The following ATP13A3 variants were observed in gnomAD, a reference collection of about 807,000 sequenced individuals.
The protein encoded by ATP13A3 is polyamine-transporting ATPase 13A3.
A neutral mutation model predicts 158.1 loss-of-function variants in ATP13A3; 59 were observed. That is an observed-to-expected ratio of 0.37 (90% CI 0.30 to 0.46). The LOEUF is 0.46. Ranked by LOEUF, ATP13A3 falls within the 20% of genes least tolerant of loss-of-function variation. The probability of loss-of-function intolerance (pLI) is 1.00; values close to 1 mark genes in which losing one functional copy is unlikely to be tolerated. For missense variants in ATP13A3, 1,166 were observed against 1,525.2 expected (o/e 0.76, Z 3.92); for synonymous variants, 491 against 504.3 (o/e 0.97, Z 0.35).
chr3:194,442,653 C>T (rs530453654), intron 15 of ATP13A3, among the ~76,000 whole-genome samples: 41 of 151,960 alleles, frequency 2.7e-4, no homozygotes, highest in South Asian at 1.5e-3. Context: ...GAAAACAAAA[C>T]ACAAGGAAAA....
At chr3:194,455,827 A>G (rs2108944221) in intron 8 of ATP13A3, 66 bp downstream of exon 8, 1 of 995,306 alleles carries the variant, frequency 1.0e-6, no homozygotes, top group Admixed American at 2.7e-5. Context: ...TTTTAATCAC[A>G]ACTCATTCCA....
chr3:194,431,747 C>T lies in ATP13A3; in HGVS notation c.2391G>A (p.Gln797=). 6.2e-7 allele frequency: 1 copy of T among 1,604,504 alleles called. No homozygotes were observed. Among genetic ancestry groups the T allele is most frequent in the Non-Finnish European group, 8.5e-7 (1 of 1,176,236 alleles). ...GGTCAATTGCTGATGGATGACTGCA[C>T]TGCGTGAGGGAGTCTGCATAATGCC... is the stretch of plus-strand genomic sequence containing the variant. The part of the protein sequence containing the change: ...INWHYADSLT[Q]CSHPSAIDPE... Residue 797 remains glutamine (Q), a synonymous_variant, in exon 22 of 34, where the codon CAG becomes CAA. Transcript: ENST00000645319.
chr3:194,490,981 T>C (rs1451712471), upstream of ATP13A3, among the ~76,000 whole-genome samples: 1 of 152,134 alleles, frequency 6.6e-6, no homozygotes, highest in African/African-American at 2.4e-5. This position sits in a 1 kb window ranked among gnomAD's most constrained non-coding sequence, Gnocchi z 4.4. Context: ...CCCCATCCAC[T>C]AAACATACAT....
rs769972140 is a variant in ATP13A3, at chr3:194,448,592, C to A, written c.1015G>T (p.Val339Leu). The A allele has an allele frequency of 5.0e-6, 8 of 1,613,590 alleles. No individual in the cohort carries two copies. The highest frequency in any genetic ancestry group is 6.8e-6 in the Non-Finnish European group (8 of 1,179,868). The change falls in exon 12 of 34, where the codon GTG (valine) becomes TTG (leucine). Residue 339 changes from valine to leucine, a missense_variant. Transcript: ENST00000645319. This position sits in a 1 kb window ranked among gnomAD's most constrained non-coding sequence, Gnocchi z 4.0. ...VTKTNLPNPSVDVKGIGDELY... is the reference protein window; with the variant it reads ...VTKTNLPNPSLDVKGIGDELY... ...TCATCTCCTATTCCTTTCACATCCA[C>A]TGAAGGATTTGGCAAATTAGTCTTT...
At chr3:194,425,674 TAAGA>T (rs1716716115) in intron 29 of ATP13A3, 145 bp from the exon 30 acceptor site, 1 of 628,220 alleles carries the variant, frequency 1.6e-6, no homozygotes, top group South Asian at 2.5e-5. Flanking sequence ...AATATCAATA[TAAGA>T]TATATAAAAC....
rs762928836 is a variant in ATP13A3 at position 194,430,928 on chromosome 3, G to A, written c.2624+15C>T. ...TTCATCAAAAACCAAAACCAAAAAA[G>A]ACACCAATACTTACTCAACATTTTG... On this transcript the variant is annotated intron_variant, in intron 24 of 33. Coordinates refer to ENST00000645319, the MANE Select transcript of ATP13A3 (RefSeq NM_001367549.1). The A allele has an allele frequency of 2.3e-4, 365 of 1,560,818 alleles. No individual in the cohort carries two copies. The Middle Eastern group carries it at 5.6e-3, about 24-fold the overall frequency.
chr3:194,424,929 T>C (rs1050515248), intron 30 of ATP13A3, among the ~76,000 whole-genome samples: 1 of 152,194 alleles, frequency 6.6e-6, no homozygotes, highest in Non-Finnish European at 1.5e-5. Flanking sequence ...GTATAATACC[T>C]ACTGTTCCAA....
rs751005733 is a variant in ATP13A3 at position 194,415,661 on chromosome 3, C to CTTTTTTTTTTTTTTTTTTT, written c.3403-1841_3403-1823dup. Reference sequence around the variant, plus strand: ...GTGCAAGGATTTACAATACCACATTCTTTTTTTTTTTTTTTTTTTTTTTTT... The same window carrying CTTTTTTTTTTTTTTTTTTT: ...GTGCAAGGATTTACAATACCACATTCTTTTTTTTTTTTTTTTTTTTTTTTTTTTTTTTTTTTTTTTTTTT... On this transcript the variant is annotated intron_variant, in intron 31 of 33. Coordinates refer to ENST00000645319, the MANE Select transcript of ATP13A3 (RefSeq NM_001367549.1). Among the ~76,000 whole-genome samples, 7 of 90,928 alleles carry CTTTTTTTTTTTTTTTTTTT rather than the reference C, an allele frequency of 7.7e-5. 1 individual carries two copies. Among genetic ancestry groups the CTTTTTTTTTTTTTTTTTTT allele is most frequent in the African/African-American group, 2.4e-4 (5 of 21,120 alleles). The allele number at this position is 90,928 out of a possible 152,430, so 59.7% of individuals were successfully genotyped here. A position where few individuals can be genotyped will look rare whatever the true frequency, so the allele number is the denominator to read the frequency against.
intron 20 of ATP13A3, among the ~76,000 whole-genome samples, chr3:194,435,552 A>C (rs1426843392): frequency 6.6e-6 from 1 of 152,204 alleles, no homozygotes; most frequent in East Asian, 1.9e-4. Context: ...GGGACAGGGT[A>C]TCCTCAGCAC....
In ATP13A3 at chr3:194,494,033, G is replaced by A. The variant is rs1577103503; in HGVS notation, n.746+17C>T. ...TCCCATTTTACAGAATGGAAAAAGA[G>A]GTGTTCAATAACTCACCCGAAAGCA... is the stretch of plus-strand genomic sequence containing the variant. On this transcript the variant is annotated intron_variant and non_coding_transcript_variant, in intron 2 of 32. Coordinates refer to the ATP13A3 transcript ENST00000687055. The surrounding 1 kb of genome is among the most constrained non-coding windows in gnomAD (Gnocchi z 4.2). 3 of 397,402 alleles carry A rather than the reference G, an allele frequency of 7.5e-6. No individual in the cohort carries two copies. In the East Asian group the frequency reaches 1.1e-4, roughly 14 times the overall value. The allele number at this position is 397,402 out of a possible 1,614,324, so 24.6% of individuals were successfully genotyped here.
intron 16 of ATP13A3, among the ~76,000 whole-genome samples, chr3:194,440,830 A>C (rs567756061): frequency 2.6e-5 from 4 of 152,374 alleles, no homozygotes; most frequent in African/African-American, 9.6e-5. Flanking sequence ...AGAGAACGTA[A>C]GCAGGCACTT....
upstream of ATP13A3, among the ~76,000 whole-genome samples, chr3:194,490,464 T>C (rs1721134599): frequency 6.6e-6 from 1 of 152,228 alleles, no homozygotes; most frequent in Non-Finnish European, 1.5e-5. This position sits in a 1 kb window ranked among gnomAD's most constrained non-coding sequence, Gnocchi z 4.4. Flanking sequence ...ACATACTCTA[T>C]TTTGGAATTC....
intron 2 of ATP13A3, among the ~76,000 whole-genome samples, chr3:194,471,344 AAAAG>A (rs1720297461): frequency 1.3e-5 from 2 of 150,430 alleles, no homozygotes; most frequent in Non-Finnish European, 3.0e-5. Context: ...AAAAAAAAAA[AAAAG>A]AAAAGAAAAG....
intron 4 of ATP13A3, 51 bp downstream of exon 4, chr3:194,460,607 A>G: frequency 6.4e-7 from 1 of 1,560,374 alleles, no homozygotes; most frequent in Non-Finnish European, 8.7e-7. Context: ...ATACACAAAG[A>G]CATTGTTTTA....
In ATP13A3 at chr3:194,404,045, A is replaced by C. The variant is rs1298355794; in HGVS notation, c.*1874T>G. On this transcript the variant is annotated 3_prime_UTR_variant, in exon 34 of 34. Transcript: ENST00000645319. ...ATTATATGCTTCAGTACTTAAACCA[A>C]AGAATAAAATGCACAATTGTGGAAA... 9.1e-6 allele frequency: 4 copies of C among 438,212 alleles called. No homozygotes were observed. Among genetic ancestry groups the C allele is most frequent in the South Asian group, 4.9e-5 (3 of 61,168 alleles). 27.1% of individuals were successfully genotyped at this position (438,212 alleles called of 1,614,324 possible).
intron 33 of ATP13A3, among the ~76,000 whole-genome samples, chr3:194,409,693 ATTTTTTTTTTTTT>A (rs71179358): frequency 1.4e-4 from 13 of 93,996 alleles, no homozygotes; most frequent in South Asian, 1.3e-3. Flanking sequence ...GACGTAAAGA[ATTTTTTTTTTTTT>A]TTTTTTTTTT....
chr3:194,409,117 C>CT (rs1243248767), intron 33 of ATP13A3, among the ~76,000 whole-genome samples: 1 of 152,140 alleles, frequency 6.6e-6, no homozygotes, highest in Admixed American at 6.5e-5. Flanking sequence ...AAGAGGCTAC[C>CT]ATGCATAGTT....
chr3:194,419,346 T>C (rs1015065712), intron 31 of ATP13A3, among the ~76,000 whole-genome samples: 4 of 152,206 alleles, frequency 2.6e-5, no homozygotes, highest in Non-Finnish European at 5.9e-5. Context: ...TACCTTTTTT[T>C]TGTTTTCTTT....
chr3:194,433,388 C>A (rs920879046), intron 21 of ATP13A3, among the ~76,000 whole-genome samples: 2 of 152,166 alleles, frequency 1.3e-5, no homozygotes, highest in East Asian at 1.9e-4. Context: ...GGACTACAGG[C>A]ACCCGCCACC....
Sources: allele counts gnomAD v4.1 joint callset (sites outside exome capture counted in the v4.1 genomes callset), GRCh38; gene constraint gnomAD v4.1.1; non-coding constraint Gnocchi (gnomAD v3.1); transcripts MANE v1.5; gene names NCBI Gene and HGNC (gene_info 2026-07-23, HGNC 2026-07-21).